ATP5F1A: variants seen among roughly 807,000 people sequenced by gnomAD.
ATP5F1A encodes ATP synthase F1 subunit alpha, also known as ATP synthase F(1) complex subunit alpha, mitochondrial.
In ATP5F1A, 24 loss-of-function variants were observed where a neutral mutation model predicts 57.4. The ratio of observed to expected loss-of-function variants is 0.42; its 90% CI spans 0.30 to 0.59. The LOEUF (loss-of-function observed/expected upper bound fraction) is 0.59. Among genes scored for constraint, ATP5F1A ranks in the 20% least tolerant of loss-of-function variants. The pLI is 0.19. For synonymous variants in ATP5F1A, 251 were observed against 255.5 expected (o/e 0.98, Z 0.17); for missense variants, 494 against 707.9 (o/e 0.70, Z 3.43).
upstream of ATP5F1A, among the ~76,000 whole-genome samples, chr18:46,100,569 C>T (rs912056357): frequency 8.6e-5 from 13 of 152,040 alleles, no homozygotes; most frequent in Admixed American, 2.6e-4. Context: ...GTGATCACAC[C>T]GGAACACTCC....
Position 46,086,398 on chromosome 18 carries a change from C to A in ATP5F1A, c.1273G>T (p.Ala425Ser). The change falls in exon 9 of 12, where the codon GCT becomes TCT. Residue 425 changes from alanine to serine, a missense_variant. Ala to Ser is a moderately conservative substitution (Grantham distance 99). This residue lies in a region of ATP5F1A where 127 missense variants were observed against 195.2 expected (regional missense o/e 0.65). Transcript: ENST00000398752. ...SRVGSAAQTR[A>S]MKQVAGTMKL... The stretch of plus-strand genomic sequence containing the variant: ...TGATGCAAAATTACCTGCTTCATAG[C>A]CCTGGTTTGGGCAGCGGATCCGACA... 2.5e-6 allele frequency: 4 copies of A among 1,614,118 alleles called. No homozygotes were observed. Among genetic ancestry groups the A allele is most frequent in the Non-Finnish European group, 3.4e-6 (4 of 1,180,044 alleles).
chr18:46,092,228 T>TAATAAAAAA (rs1204026682), intron 2 of ATP5F1A: 1 of 69,650 alleles, frequency 1.4e-5, no homozygotes, highest in African/African-American at 3.6e-5. Context: ...ATAATAATAA[T>TAATAAAAAA]AAAAATCTGG....
At chr18:46,095,833 G>GACTGGGCAGTAAATAAATATATATTT (rs141094289) in intron 1 of ATP5F1A, among the ~76,000 whole-genome samples, 6 of 151,878 alleles carry the variant, frequency 4.0e-5, no homozygotes, top group East Asian at 3.9e-4. Flanking sequence ...ATATTGCCCA[G>GACTGGGCAGTAAATAAATATATATTT]ACTGGGCAGT....
Position 46,084,134 on chromosome 18 carries a change from G to T in ATP5F1A, c.*148C>A. The stretch of plus-strand genomic sequence containing the variant: ...CTTGGTTTTAAAGAATAACACAAAT[G>T]ACAGAAAACAACTATGCATTATGGA... On this transcript the variant is annotated 3_prime_UTR_variant, in exon 12 of 12. Coordinates refer to ENST00000398752, the MANE Select transcript of ATP5F1A (RefSeq NM_004046.6). 3.3e-6 allele frequency: 2 copies of T among 605,236 alleles called. No homozygotes were observed. Among genetic ancestry groups the T allele is most frequent in the Non-Finnish European group, 2.7e-6 (1 of 372,102 alleles). The allele number at this position is 605,236 out of a possible 1,614,324, so 37.5% of individuals were successfully genotyped here.
intron 1 of ATP5F1A, among the ~76,000 whole-genome samples, chr18:46,097,649 A>G (rs1911059140): frequency 6.6e-6 from 1 of 152,148 alleles, no homozygotes; most frequent in African/African-American, 2.4e-5. Context: ...AAGCCTACGT[A>G]AGTATTCCAA....
Position 46,084,564 on chromosome 18 carries a change from A to T in ATP5F1A, c.1520T>A (p.Phe507Tyr), listed in dbSNP as rs1208174021. ...GACATGAGACAAGAAAGCATTCTCAAACTTTGTAATCTTGCTGGGCTCCAG... is the reference window on the plus strand; with the variant it reads ...GACATGAGACAAGAAAGCATTCTCATACTTTGTAATCTTGCTGGGCTCCAG... The part of the protein sequence containing the change: ...DKLEPSKITK[F>Y]ENAFLSHVVS... The change falls in exon 11 of 12, where the codon TTT becomes TAT. Residue 507 changes from phenylalanine to tyrosine, a missense_variant. This residue lies in a region of ATP5F1A where 127 missense variants were observed against 195.2 expected (regional missense o/e 0.65). Transcript: ENST00000398752. 6.2e-7 allele frequency: 1 copy of T among 1,613,152 alleles called. No individual in the cohort carries two copies. Among genetic ancestry groups the T allele is most frequent in the Admixed American group, 1.7e-5 (1 of 59,742 alleles).
upstream of ATP5F1A, among the ~76,000 whole-genome samples, chr18:46,102,812 G>T (rs1380139763): frequency 6.6e-6 from 1 of 152,096 alleles, no homozygotes; most frequent in Non-Finnish European, 1.5e-5. Context: ...GCTGGGTGTG[G>T]TGGTGCACGC....
rs56849873 is a variant in ATP5F1A, at chr18:46,083,996, C to CAA, written c.*284_*285dup. The stretch of plus-strand genomic sequence containing the variant: ...TGAGAATCAGTCTCAAAAAAAAAAA[C>CAA]AAAAAAAAAACTTACAAAGAGCTCA... On this transcript the variant is annotated 3_prime_UTR_variant, in exon 12 of 12. Coordinates refer to ENST00000398752, the MANE Select transcript of ATP5F1A (RefSeq NM_004046.6). 7 of 168,368 alleles carry CAA rather than the reference C, an allele frequency of 4.2e-5. No homozygotes were observed. The highest frequency in any genetic ancestry group is 2.9e-4 in the East Asian group (2 of 6,930). The allele number at this position is 168,368 out of a possible 1,614,324, so 10.4% of individuals were successfully genotyped here.
chr18:46,101,129 C>G (rs1438138439), upstream of ATP5F1A, among the ~76,000 whole-genome samples: 1 of 152,140 alleles, frequency 6.6e-6, no homozygotes, highest in Admixed American at 6.6e-5. Context: ...AGCAGCCAGG[C>G]TTACAGATAA....
chr18:46,086,041 G>A (rs995825106), intron 10 of ATP5F1A, 72 bp downstream of exon 10: 1 of 1,514,972 alleles, frequency 6.6e-7, no homozygotes, highest in Non-Finnish European at 8.9e-7. Context: ...GATATGTGAT[G>A]CAGCTCTGTA....
Position 46,095,833 on chromosome 18 carries a change from GACTGGGCAGTAAATAAATATATATTT to G in ATP5F1A, c.61-728_61-703del, listed in dbSNP as rs141094289. On this transcript the variant is annotated intron_variant, in intron 1 of 11. Coordinates refer to ENST00000398752, the MANE Select transcript of ATP5F1A (RefSeq NM_004046.6). Reference sequence around the variant, plus strand: ...AGACAGGATTTCATCATATTGCCCAGACTGGGCAGTAAATAAATATATATTTACTGGGCAGTAAATATATATATACA... The same window carrying G: ...AGACAGGATTTCATCATATTGCCCAGACTGGGCAGTAAATATATATATACA... 0.035 allele frequency among the ~76,000 whole-genome samples: 5,323 copies of G among 151,948 alleles called. 510 individuals are homozygous for G. The East Asian group carries it at 0.39, about 11-fold the overall frequency.
Position 46,087,249 on chromosome 18 carries a change from G to A in ATP5F1A, c.952-17C>T. 1 of 1,612,786 alleles carries A rather than the reference G, an allele frequency of 6.2e-7. No individual in the cohort carries two copies. Among genetic ancestry groups the A allele is most frequent in the Non-Finnish European group, 8.5e-7 (1 of 1,179,010 alleles). On this transcript the variant is annotated splice_polypyrimidine_tract_variant and intron_variant, in intron 7 of 11. Transcript: ENST00000398752. ...AGCAACAGCCTATGGTACAGAATAG[G>A]TTTGTGAAGTTAACCTATTAAATAG...
chr18:46,091,834 A>T lies in ATP5F1A; in HGVS notation c.157T>A (p.Ser53Thr). ...CCAAGAATACGCTCTTCAAGAATAG[A>T]GGACATCTCAGCAGTCCCTATGGAA... The part of the protein sequence containing the change: ...LQKTGTAEMS[S>T]ILEERILGAD... Residue 53 changes from serine to threonine, a missense_variant, in exon 3 of 12, where the codon TCT (serine) becomes ACT (threonine). Physicochemically the swap from Ser to Thr is moderately conservative, Grantham distance 58 (BLOSUM62 1). Coordinates refer to ENST00000398752, the MANE Select transcript of ATP5F1A (RefSeq NM_004046.6). The T allele has an allele frequency of 1.9e-6, 3 of 1,612,862 alleles. No individual in the cohort carries two copies. In the South Asian group the frequency reaches 3.3e-5, roughly 18 times the overall value.
upstream of ATP5F1A, among the ~76,000 whole-genome samples, chr18:46,098,978 C>T (rs1333187193): frequency 6.6e-6 from 1 of 152,152 alleles, no homozygotes; most frequent in Non-Finnish European, 1.5e-5. Flanking sequence ...AGATAAATAG[C>T]TAATACATGC....
chr18:46,086,742 C>T lies in ATP5F1A; in HGVS notation c.1177-248G>A. On this transcript the variant is annotated intron_variant, in intron 8 of 11. Transcript: ENST00000398752. ...ACATACAAATGAAGTGATATAATTT[C>T]TATTTGATTCAAAATTATCTAGAAG... 11 of 596,698 alleles carry T rather than the reference C, an allele frequency of 1.8e-5. No homozygotes were observed. In the South Asian group the frequency reaches 2.1e-4, roughly 11 times the overall value. 37.0% of individuals were successfully genotyped at this position (596,698 alleles called of 1,614,324 possible).
intron 3 of ATP5F1A, among the ~76,000 whole-genome samples, chr18:46,090,207 C>T (rs1030099525): frequency 6.6e-6 from 1 of 152,190 alleles, no homozygotes; most frequent in African/African-American, 2.4e-5. Context: ...TAGGACAGCA[C>T]ATTGATAAGC....
chr18:46,102,319 G>C (rs1032752975), upstream of ATP5F1A, among the ~76,000 whole-genome samples: 3 of 151,792 alleles, frequency 2.0e-5, no homozygotes, highest in African/African-American at 7.3e-5. Flanking sequence ...GATATATTTA[G>C]TTTTTGTTTT....
chr18:46,084,006 AC>A lies in ATP5F1A; in HGVS notation c.*275del. On this transcript the variant is annotated 3_prime_UTR_variant, in exon 12 of 12. Transcript: ENST00000398752. Reference sequence around the variant, plus strand: ...TCTCAAAAAAAAAAACAAAAAAAAAACTTACAAAGAGCTCAGCCTTGAATTA... The same window carrying A: ...TCTCAAAAAAAAAAACAAAAAAAAAATTACAAAGAGCTCAGCCTTGAATTA... 3.9e-6 allele frequency: 1 copy of A among 254,156 alleles called. No homozygotes were observed. The highest frequency in any genetic ancestry group is 7.4e-6 in the Non-Finnish European group (1 of 135,970). The allele number at this position is 254,156 out of a possible 1,614,324, so 15.7% of individuals were successfully genotyped here.
intron 3 of ATP5F1A, among the ~76,000 whole-genome samples, chr18:46,090,997 G>A (rs1431777283): frequency 2.0e-5 from 3 of 152,282 alleles, no homozygotes; most frequent in Non-Finnish European, 2.9e-5. Context: ...TGCTAAATTG[G>A]CCAATGTCTT....
Sources: gnomAD v4.1 joint callset for allele counts (sites outside exome capture counted in the v4.1 genomes callset) on GRCh38, gnomAD v4.1.1 for gene constraint, gnomAD v4.1.1 regional missense constraint, MANE v1.5 for transcripts, NCBI Gene and HGNC (gene_info 2026-07-23, HGNC 2026-07-21) for gene names.